The following LETM1 variants were observed in gnomAD, a reference collection of about 807,000 sequenced individuals.
The protein encoded by LETM1 is leucine zipper and EF-hand containing transmembrane protein 1.
Under a neutral mutation model 74.5 loss-of-function variants are expected in LETM1, and 50 were observed. The observed-to-expected ratio is 0.67, with a 90% CI of 0.53 to 0.85. The LOEUF (loss-of-function observed/expected upper bound fraction) is 0.85, where lower values mean the gene tolerates loss of function less well. Ranked by LOEUF, LETM1 falls within the 40% of genes least tolerant of loss-of-function variation. LETM1 has a pLI of 0.00. For missense variants in LETM1, 824 were observed against 967.8 expected, an observed-to-expected ratio of 0.85 and a Z score of 1.97; for synonymous variants, 446 against 407.1, an observed-to-expected ratio of 1.10 and a Z score of -1.15.
At position 1,814,455 on chromosome 4, in the gene LETM1, G is replaced by C; in HGVS notation, c.2189C>G (p.Ala730Gly). Residue 730 changes from alanine to glycine, a missense_variant, in exon 14 of 14, where the codon GCA (alanine) becomes GGA (glycine). By Grantham distance (60) the Ala-to-Gly change is moderately conservative. This residue lies in a region of LETM1 where 161 missense variants were observed against 252.7 expected (regional missense o/e 0.64). Coordinates refer to ENST00000302787, the MANE Select transcript of LETM1 (RefSeq NM_012318.3). Reference sequence around the variant, plus strand: ...CTTCACCTCTGCGACCTCCTTCTCTGCCTTCTCTTTGGCCTTCTCCTTCTC... The same window carrying C: ...CTTCACCTCTGCGACCTCCTTCTCTCCCTTCTCTTTGGCCTTCTCCTTCTC... ...VEEKEKAKEK[A>G]EKEVAEVKS 2 of 1,614,172 alleles carry C rather than the reference G, an allele frequency of 1.2e-6. No individual in the cohort carries two copies. The highest frequency in any genetic ancestry group is 1.7e-5 in the Admixed American group (1 of 60,022).
intron 2 of LETM1, chr4:1,843,320 A>G (rs1383566282): frequency 1.3e-5 from 2 of 153,234 alleles, no homozygotes; most frequent in Non-Finnish European, 1.5e-5. Context: ...GAAGCCACCA[A>G]TCAGGGCTGG....
Position 1,842,353 on chromosome 4 carries a change from G to A in LETM1, c.144-556C>T, listed in dbSNP as rs544897191. Among the ~76,000 whole-genome samples, 4 of 152,174 alleles carry A rather than the reference G, an allele frequency of 2.6e-5. No homozygotes were observed. The South Asian group carries it at 6.2e-4, about 24-fold the overall frequency. On this transcript the variant is annotated intron_variant, in intron 2 of 13. Coordinates refer to ENST00000302787, the MANE Select transcript of LETM1 (RefSeq NM_012318.3). The stretch of plus-strand genomic sequence containing the variant: ...AAAACAACAAAATCCAAAGAATAAG[G>A]GCCAAGGCCCATCTCCTCCTCCTCT...
In LETM1 at chr4:1,844,359, G is replaced by C. The variant is rs1712808592; in HGVS notation, c.144-2562C>G. Reference sequence around the variant, plus strand: ...TTACAGTTTGCTTACCCAAAGTCTGGGTGCTGCTTCTCTGCCTTTGTTTCT... The same window carrying C: ...TTACAGTTTGCTTACCCAAAGTCTGCGTGCTGCTTCTCTGCCTTTGTTTCT... On this transcript the variant is annotated intron_variant, in intron 2 of 13. Coordinates refer to ENST00000302787, the MANE Select transcript of LETM1 (RefSeq NM_012318.3). Among the ~76,000 whole-genome samples, 2 of 152,226 alleles carry C rather than the reference G, an allele frequency of 1.3e-5. 1 individual carries two copies. The highest frequency in any genetic ancestry group is 1.3e-4 in the Admixed American group (2 of 15,274).
At chr4:1,820,060 C>T (rs1711722745) in intron 10 of LETM1, among the ~76,000 whole-genome samples, 1 of 152,214 alleles carries the variant, frequency 6.6e-6, no homozygotes, top group Non-Finnish European at 1.5e-5. Flanking sequence ...CCTCAGCCTC[C>T]CCAGGAGCTG....
chr4:1,826,996 C>T (rs1015012002), intron 6 of LETM1, among the ~76,000 whole-genome samples: 23 of 152,224 alleles, frequency 1.5e-4, no homozygotes, highest in African/African-American at 5.5e-4. Context: ...GTCGCCTCCA[C>T]CCACACCGTG....
chr4:1,823,314 C>T (rs1711857415), intron 8 of LETM1, among the ~76,000 whole-genome samples, 183 bp from the exon 9 acceptor site: 2 of 152,248 alleles, frequency 1.3e-5, no homozygotes, highest in South Asian at 4.1e-4. Context: ...CCGCCCTCTG[C>T]GCTCGCCCGA....
At position 1,834,862 on chromosome 4, in the gene LETM1, A is replaced by G. The variant is rs1412882463; in HGVS notation, c.859T>C (p.Ser287Pro). ...AAKGSATKDFSVFFQKIRETG... is the reference protein window; with the variant it reads ...AAKGSATKDFPVFFQKIRETG... ...CACAGCACCTTCTGGAAAAACACAG[A>G]GAAGTCTTTGGTGGCGCTGCCCTTG... Residue 287 changes from serine to proline, a missense_variant, in exon 5 of 14, where the codon TCT (serine) becomes CCT (proline). Physicochemically the swap from Ser to Pro is moderately conservative, Grantham distance 74. Around this residue, in one of 4 missense-constraint regions of LETM1, gnomAD observed 269 missense variants for 348.8 expected, o/e 0.77. Transcript: ENST00000302787. This position sits in a 1 kb window ranked among gnomAD's most constrained non-coding sequence, Gnocchi z 5.0. 2 of 1,614,156 alleles carry G rather than the reference A, an allele frequency of 1.2e-6. No homozygotes were observed. Among genetic ancestry groups the G allele is most frequent in the Admixed American group, 3.3e-5 (2 of 60,030 alleles).
intron 2 of LETM1, among the ~76,000 whole-genome samples, 196 bp from the exon 3 acceptor site, chr4:1,841,993 C>T (rs905163105): frequency 6.6e-6 from 1 of 152,182 alleles, no homozygotes; most frequent in Non-Finnish European, 1.5e-5. Flanking sequence ...GGACAGTGTG[C>T]AGCCCCCTCA....
rs144943847 is a variant in LETM1, at chr4:1,844,296, A to C, written c.144-2499T>G. Among the ~76,000 whole-genome samples, 1,314 of 152,320 alleles carry C rather than the reference A, an allele frequency of 8.6e-3. 9 individuals are homozygous for C. Among genetic ancestry groups the C allele is most frequent in the Middle Eastern group, 0.065 (19 of 292 alleles). On this transcript the variant is annotated intron_variant, in intron 2 of 13. Coordinates refer to ENST00000302787, the MANE Select transcript of LETM1 (RefSeq NM_012318.3). ...CACATCAGCTGAGGTTTCCCCACTG[A>C]GTGAGATTCAAGTTTGCTGGGTCTC...
intron 2 of LETM1, among the ~76,000 whole-genome samples, chr4:1,844,206 T>G (rs1202070667): frequency 6.6e-6 from 1 of 152,168 alleles, no homozygotes; most frequent in Non-Finnish European, 1.5e-5. Context: ...CTCACCACAG[T>G]AACATCCCCC....
At chr4:1,815,379 C>T (rs1344617688) in intron 13 of LETM1, among the ~76,000 whole-genome samples, 1 of 152,236 alleles carries the variant, frequency 6.6e-6, no homozygotes. Flanking sequence ...CTGCACCCCC[C>T]CGGCTCCCCA....
At chr4:1,848,903 C>T (rs1712975214) in intron 2 of LETM1, among the ~76,000 whole-genome samples, 1 of 152,014 alleles carries the variant, frequency 6.6e-6, no homozygotes, top group African/African-American at 2.4e-5. Context: ...GACAGGAAGC[C>T]TTCTGTCCCC....
chr4:1,820,266 AT>A (rs1711731640), intron 10 of LETM1, among the ~76,000 whole-genome samples: 1 of 152,070 alleles, frequency 6.6e-6, no homozygotes, highest in Non-Finnish European at 1.5e-5. Context: ...CCTCAGCAAC[AT>A]TTTACAGTAC....
chr4:1,825,210 T>C (rs1711940639), intron 7 of LETM1, among the ~76,000 whole-genome samples: 1 of 152,180 alleles, frequency 6.6e-6, no homozygotes, highest in South Asian at 2.1e-4. Context: ...TGGCCCCAGT[T>C]CAGAAAGAGT....
chr4:1,845,566 G>A (rs753953847), intron 2 of LETM1, among the ~76,000 whole-genome samples: 1 of 113,154 alleles, frequency 8.8e-6, no homozygotes, highest in African/African-American at 3.5e-5. Flanking sequence ...TTTTTTTTTC[G>A]AGACACAGTT....
At chr4:1,835,464 AAAAC>A (rs752100559) in intron 4 of LETM1, among the ~76,000 whole-genome samples, 72 of 149,674 alleles carry the variant, frequency 4.8e-4, no homozygotes, top group Middle Eastern at 3.4e-3. Flanking sequence ...AAACAAAACA[AAAAC>A]AAACAAACAA....
chr4:1,827,884 C>T (rs1199803381), intron 6 of LETM1, among the ~76,000 whole-genome samples: 6 of 150,264 alleles, frequency 4.0e-5, no homozygotes, highest in Admixed American at 1.3e-4. Context: ...GGCGCCCCCC[C>T]CACCTCCCGG....
chr4:1,829,171 AC>A (rs1273811308), intron 6 of LETM1, among the ~76,000 whole-genome samples: 313 of 30,698 alleles, frequency 0.01, no homozygotes, highest in Middle Eastern at 0.042. Context: ...AGGGGGGCTG[AC>A]CCCCCCCCCA....
At position 1,819,495 on chromosome 4, in the gene LETM1, A is replaced by G. The variant is rs199755392; in HGVS notation, c.1609-23T>C. The G allele has an allele frequency of 7.9e-5, 126 of 1,604,732 alleles. 1 individual carries two copies. In the East Asian group the frequency reaches 2.0e-3, roughly 25 times the overall value. On this transcript the variant is annotated intron_variant, in intron 10 of 13. Coordinates refer to ENST00000302787, the MANE Select transcript of LETM1 (RefSeq NM_012318.3). ...CTCCTGGGATAAAAATGGGCAAACA[A>G]CAAAGCCTGAGCCAAGGGAAAGAAC...
Sources: allele counts gnomAD v4.1 joint callset (sites outside exome capture counted in the v4.1 genomes callset), GRCh38; gene constraint gnomAD v4.1.1; regional missense constraint gnomAD v4.1.1; non-coding constraint Gnocchi (gnomAD v3.1); transcripts MANE v1.5; gene names NCBI Gene and HGNC (gene_info 2026-07-23, HGNC 2026-07-21).